The following PRKN variants were observed in gnomAD, a reference collection of about 807,000 sequenced individuals.
PRKN encodes the protein E3 ubiquitin-protein ligase parkin.
PRKN carries 56 observed loss-of-function variants against 59.5 expected under a neutral mutation model. The ratio of observed to expected loss-of-function variants is 0.94; its 90% CI spans 0.76 to 1.18. The LOEUF is 1.18. Ranked by LOEUF, PRKN falls within the 50% of genes most tolerant of loss-of-function variation. PRKN has a pLI of 0.00. For synonymous variants in PRKN, 250 were observed against 222.1 expected (o/e 1.13, Z -1.12); for missense variants, 657 against 596.4 (o/e 1.10, Z -1.06).
chr6:162,359,114 C>T (rs543719350), intron 2 of PRKN, among the ~76,000 whole-genome samples: 104 of 140,926 alleles, frequency 7.4e-4, no homozygotes, highest in African/African-American at 2.9e-3. Flanking sequence ...ACTTTCTTCA[C>T]ATATCTGTTT....
intron 1 of PRKN, among the ~76,000 whole-genome samples, chr6:162,602,370 T>C (rs1245592187): frequency 6.6e-6 from 1 of 151,784 alleles, no homozygotes; most frequent in African/African-American, 2.4e-5. Context: ...TCAGTAGGAG[T>C]GGAGAGCAGC....
intron 5 of PRKN, among the ~76,000 whole-genome samples, chr6:161,979,020 T>C (rs891898507): frequency 2.0e-5 from 3 of 152,058 alleles, no homozygotes; most frequent in Non-Finnish European, 4.4e-5. Context: ...ATAAATCAGC[T>C]ACAGAAAGAT....
intron 1 of PRKN, among the ~76,000 whole-genome samples, chr6:162,563,310 CAAAAAACAAAAAAA>C (rs1237521036): frequency 1.2e-4 from 9 of 77,422 alleles, no homozygotes; most frequent in African/African-American, 2.2e-4. Flanking sequence ...TCTTAAAAAA[CAAAAAACAAAAAAA>C]AAAAAACAAA....
intron 2 of PRKN, among the ~76,000 whole-genome samples, chr6:162,431,035 C>T (rs1789495916): frequency 6.6e-6 from 1 of 152,090 alleles, no homozygotes; most frequent in African/African-American, 2.4e-5. Flanking sequence ...CTTCCCAACG[C>T]CGCCTTCAGT....
chr6:162,262,526 T>C lies in PRKN; in HGVS notation c.411A>G (p.Pro137=). Residue 137 remains proline (P), a splice_region_variant and synonymous_variant, in exon 3 of 12, where the codon CCA becomes CCG. Transcript: ENST00000366898. ...SRKDSPPAGS[P]AGRSIYNSFY... ...ATAATCTTAGAGCATTCCAATTACC[T>C]GGACTTCCAGCTGGTGGTGAGTCCT... 6.2e-7 allele frequency: 1 copy of C among 1,614,024 alleles called. No homozygotes were observed. Among genetic ancestry groups the C allele is most frequent in the Non-Finnish European group, 8.5e-7 (1 of 1,179,980 alleles).
chr6:161,384,848 A>T (rs1253452443), intron 10 of PRKN, among the ~76,000 whole-genome samples: 1 of 152,178 alleles, frequency 6.6e-6, no homozygotes, highest in East Asian at 1.9e-4. Context: ...TTAGCATATT[A>T]CTGTAATTAC....
Position 161,895,613 on chromosome 6 carries a change from C to T in PRKN, c.734+77689G>A, listed in dbSNP as rs1432670804. Reference sequence around the variant, plus strand: ...CTTCTGAGATTCAGGAGCACGCCCACCCCACCTGCTGTTATGCTCCCCAGT... The same window carrying T: ...CTTCTGAGATTCAGGAGCACGCCCATCCCACCTGCTGTTATGCTCCCCAGT... On this transcript the variant is annotated intron_variant, in intron 6 of 11. Coordinates refer to ENST00000366898, the MANE Select transcript of PRKN (RefSeq NM_004562.3). Among the ~76,000 whole-genome samples, 3 of 120,718 alleles carry T rather than the reference C, an allele frequency of 2.5e-5. 1 individual carries two copies. Among genetic ancestry groups the T allele is most frequent in the African/African-American group, 9.6e-5 (3 of 31,090 alleles). The allele number at this position is 120,718 out of a possible 152,430, so 79.2% of individuals were successfully genotyped here. A position where few individuals can be genotyped will look rare whatever the true frequency, so the allele number is the denominator to read the frequency against.
At chr6:162,565,308 G>A (rs1179111395) in intron 1 of PRKN, among the ~76,000 whole-genome samples, 1 of 152,090 alleles carries the variant, frequency 6.6e-6, no homozygotes, top group South Asian at 2.1e-4. Context: ...AGGAAGATAG[G>A]AAGAAAAGAA....
rs1392380407 is a variant in PRKN, at chr6:161,554,730, G to A, written c.934-5727C>T. Among the ~76,000 whole-genome samples, 10 of 137,966 alleles carry A rather than the reference G, an allele frequency of 7.2e-5. No homozygotes were observed. The highest frequency in any genetic ancestry group is 1.1e-4 in the Non-Finnish European group (7 of 63,958). 90.5% of individuals were successfully genotyped at this position (137,966 alleles called of 152,430 possible). A position where few individuals can be genotyped will look rare whatever the true frequency, so the allele number is the denominator to read the frequency against. Reference sequence around the variant, plus strand: ...ACAGGGATTGTGTGTGTGTGTGTGTGTGTGTATATATATATATATATATAC... The same window carrying A: ...ACAGGGATTGTGTGTGTGTGTGTGTATGTGTATATATATATATATATATAC... On this transcript the variant is annotated intron_variant, in intron 8 of 11. Coordinates refer to ENST00000366898, the MANE Select transcript of PRKN (RefSeq NM_004562.3). The surrounding 1 kb of genome is among the most constrained non-coding windows in gnomAD (Gnocchi z 4.5).
At chr6:162,716,837 A>G (rs949312133) in intron 1 of PRKN, among the ~76,000 whole-genome samples, 1 of 151,820 alleles carries the variant, frequency 6.6e-6, no homozygotes, top group Non-Finnish European at 1.5e-5. Context: ...CTACTGCATT[A>G]CCTTTAAGTG....
chr6:161,948,345 T>TTTGCTCA (rs988188146), intron 6 of PRKN, among the ~76,000 whole-genome samples: 1 of 152,188 alleles, frequency 6.6e-6, no homozygotes, highest in Non-Finnish European at 1.5e-5. Context: ...GCTGGACTCA[T>TTTGCTCA]TTGCTCATTT....
chr6:161,375,131 C>T (rs1393100714), intron 10 of PRKN, among the ~76,000 whole-genome samples: 2 of 151,978 alleles, frequency 1.3e-5, no homozygotes, highest in Non-Finnish European at 2.9e-5. Context: ...TCAGGGGACC[C>T]GCAGGCCATG....
chr6:162,629,195 T>A (rs1783008580), intron 1 of PRKN, among the ~76,000 whole-genome samples: 1 of 152,156 alleles, frequency 6.6e-6, no homozygotes, highest in African/African-American at 2.4e-5. Flanking sequence ...TACTTACAAA[T>A]TATATTTTAG....
At chr6:161,698,040 T>C (rs374757011) in intron 7 of PRKN, among the ~76,000 whole-genome samples, 3 of 152,242 alleles carry the variant, frequency 2.0e-5, no homozygotes, top group South Asian at 2.1e-4. Flanking sequence ...TGCTTACTTA[T>C]AAAACATACA....
At chr6:161,750,605 T>C (rs1231997139) in intron 7 of PRKN, among the ~76,000 whole-genome samples, 3 of 151,686 alleles carry the variant, frequency 2.0e-5, no homozygotes, top group Admixed American at 2.0e-4. Flanking sequence ...CCGTCTCTAC[T>C]AAAAGTACAA....
In PRKN at chr6:161,784,757, A is replaced by G. The variant is rs1362832824; in HGVS notation, c.871+1015T>C. Among the ~76,000 whole-genome samples, 2 of 152,204 alleles carry G rather than the reference A, an allele frequency of 1.3e-5. 1 individual carries two copies. Among genetic ancestry groups the G allele is most frequent in the Non-Finnish European group, 2.9e-5 (2 of 68,034 alleles). On this transcript the variant is annotated intron_variant, in intron 7 of 11. Coordinates refer to ENST00000366898, the MANE Select transcript of PRKN (RefSeq NM_004562.3). The stretch of plus-strand genomic sequence containing the variant: ...TAAACTTCGAATTCTGCTTCTCGGT[A>G]TATATCCAAGGTAAATGAAAGCAAA...
intron 1 of PRKN, among the ~76,000 whole-genome samples, chr6:162,485,668 T>C (rs148071903): frequency 2.0e-5 from 3 of 152,340 alleles, no homozygotes; most frequent in Admixed American, 1.3e-4. Flanking sequence ...AGCTGCTTTG[T>C]ACTGACACCC....
chr6:162,096,817 C>T (rs1779756701), intron 4 of PRKN, among the ~76,000 whole-genome samples: 1 of 142,024 alleles, frequency 7.0e-6, no homozygotes, highest in Admixed American at 7.1e-5. Context: ...ATGTCTTTAT[C>T]AGAGTGTGAG....
chr6:162,115,244 A>G (rs1339890320), intron 4 of PRKN, among the ~76,000 whole-genome samples: 1 of 151,950 alleles, frequency 6.6e-6, no homozygotes, highest in Non-Finnish European at 1.5e-5. Flanking sequence ...CTATCGCAAG[A>G]ACAAAAAACC....
Sources: gnomAD v4.1 joint callset for allele counts (sites outside exome capture counted in the v4.1 genomes callset) on GRCh38, gnomAD v4.1.1 for gene constraint, Gnocchi (gnomAD v3.1) non-coding constraint, MANE v1.5 for transcripts, NCBI Gene and HGNC (gene_info 2026-07-23, HGNC 2026-07-21) for gene names.